MRPS5: variants seen among roughly 807,000 people sequenced by gnomAD.
The protein encoded by MRPS5 is small ribosomal subunit protein uS5m.
A neutral mutation model predicts 51.9 loss-of-function variants in MRPS5; 27 were observed. That is an observed-to-expected ratio of 0.52 (90% confidence interval 0.38 to 0.72). The LOEUF is 0.72. MRPS5 is among the 30% of genes least tolerant of loss of function. MRPS5 has a pLI of 0.00. For missense variants in MRPS5, 570 were observed against 545.7 expected (o/e 1.04, Z -0.44); for synonymous variants, 196 against 193.2 (o/e 1.01, Z -0.12).
At chr2:95,112,609 T>A (rs1267017896) in intron 3 of MRPS5, among the ~76,000 whole-genome samples, 1 of 152,218 alleles carries the variant, frequency 6.6e-6, no homozygotes. Flanking sequence ...AATCAAAGAC[T>A]ATTTCCTACT....
chr2:95,089,164 T>G (rs1675385163), intron 11 of MRPS5, among the ~76,000 whole-genome samples: 1 of 152,178 alleles, frequency 6.6e-6, no homozygotes, highest in South Asian at 2.1e-4. Context: ...ATTAAACCTC[T>G]AATGTTTCAA....
rs772667801 is a variant in MRPS5 at position 95,085,973 on chromosome 2, G to A, written c.*1384C>T. On this transcript the variant is annotated 3_prime_UTR_variant, in exon 12 of 12. Transcript: ENST00000272418. ...TCTGCCACCCAGGCTGGAGTGGCAT[G>A]AACAAGGCTCACTGCAGCCTCAACC... 6.6e-6 allele frequency among the ~76,000 whole-genome samples: 1 copy of A among 151,160 alleles called. No homozygotes were observed. Among genetic ancestry groups the A allele is most frequent in the Non-Finnish European group, 1.5e-5 (1 of 67,868 alleles).
rs774189820 is a variant in MRPS5 at position 95,108,261 on chromosome 2, T to A, written c.551A>T (p.Lys184Met). ...TCCTCGCTCCCGTTTAACCTTCATC[T>A]TCTTCTTTCGGTCCCACTCTTCTCT... ...QQREEWDRKK[K>M]MKVKRERGWS... Residue 184 changes from lysine (K) to methionine (M), a missense_variant, in exon 5 of 12, where the codon AAG becomes ATG. Lys to Met is a moderately conservative substitution (Grantham distance 95). Transcript: ENST00000272418. 7.4e-6 allele frequency: 12 copies of A among 1,614,046 alleles called. No homozygotes were observed. The highest frequency in any genetic ancestry group is 1.6e-4 in the Middle Eastern group (1 of 6,062).
chr2:95,112,420 T>G (rs1212122385), intron 3 of MRPS5, among the ~76,000 whole-genome samples: 1 of 152,168 alleles, frequency 6.6e-6, no homozygotes, highest in African/African-American at 2.4e-5. Flanking sequence ...CTGTAGTGTC[T>G]AATCTTATAC....
intron 10 of MRPS5, chr2:95,090,767 C>CA (rs948150133): frequency 1.1e-5 from 5 of 444,380 alleles, no homozygotes; most frequent in African/African-American, 2.0e-5. Flanking sequence ...ATTTTGAGGG[C>CA]AAAAAAACAG....
chr2:95,088,912 CA>C, intron 11 of MRPS5, among the ~76,000 whole-genome samples: 1 of 152,192 alleles, frequency 6.6e-6, no homozygotes, highest in Non-Finnish European at 1.5e-5. Flanking sequence ...ATTAAAAATA[CA>C]AAAATTAGCC....
chr2:95,095,404 TC>T (rs370728285), intron 10 of MRPS5, among the ~76,000 whole-genome samples: 1 of 152,272 alleles, frequency 6.6e-6, no homozygotes, highest in African/African-American at 2.4e-5. Context: ...GAACATACAT[TC>T]TTCTCAGCAC....
chr2:95,094,384 C>T (rs1675559073), intron 10 of MRPS5, among the ~76,000 whole-genome samples: 1 of 152,148 alleles, frequency 6.6e-6, no homozygotes, highest in African/African-American at 2.4e-5. Flanking sequence ...ATACAGAGAA[C>T]ACCACAAAAA....
chr2:95,118,017 C>A, intron 1 of MRPS5, 72 bp from the exon 2 acceptor site: 1 of 1,101,828 alleles, frequency 9.1e-7, no homozygotes, highest in Admixed American at 2.3e-5. Context: ...GTAACACCCA[C>A]AAAATATATC....
intron 5 of MRPS5, among the ~76,000 whole-genome samples, chr2:95,107,776 G>C (rs1331972037): frequency 6.6e-6 from 1 of 152,126 alleles, no homozygotes; most frequent in Non-Finnish European, 1.5e-5. Context: ...TGTTTTTATA[G>C]GGTTAACATG....
intron 7 of MRPS5, 98 bp downstream of exon 7, chr2:95,104,542 C>T (rs1424828891): frequency 7.6e-7 from 1 of 1,307,952 alleles, no homozygotes. Context: ...TGGAAAAAGT[C>T]CGGCCAGCAG....
At chr2:95,121,839 C>T (rs1481060738), upstream of MRPS5, 3 of 1,497,606 alleles carry the variant, frequency 2.0e-6, no homozygotes, top group South Asian at 1.3e-5. Flanking sequence ...CAGCCTTGCC[C>T]ACCGCCTACC....
At chr2:95,096,064 C>T (rs1675616541) in intron 10 of MRPS5, among the ~76,000 whole-genome samples, 1 of 152,180 alleles carries the variant, frequency 6.6e-6, no homozygotes, top group East Asian at 1.9e-4. Flanking sequence ...CACCTCTACA[C>T]AAATAAACTA....
At chr2:95,108,831 TA>T (rs1262918610) in intron 4 of MRPS5, among the ~76,000 whole-genome samples, 1 of 152,196 alleles carries the variant, frequency 6.6e-6, no homozygotes, top group Non-Finnish European at 1.5e-5. Flanking sequence ...GTGAAAAAAG[TA>T]AACTGTAAGA....
intron 5 of MRPS5, among the ~76,000 whole-genome samples, chr2:95,107,573 T>G (rs1170282942): frequency 6.6e-6 from 1 of 152,164 alleles, no homozygotes; most frequent in South Asian, 2.1e-4. Context: ...CCCCTCCAGT[T>G]TCAACCTCTT....
At chr2:95,120,112 T>C (rs1676398401) in intron 1 of MRPS5, among the ~76,000 whole-genome samples, 1 of 152,182 alleles carries the variant, frequency 6.6e-6, no homozygotes, top group Admixed American at 6.5e-5. Flanking sequence ...ATCCTAAGTA[T>C]ATACCCAACA....
At chr2:95,118,069 G>A (rs1676341475) in intron 1 of MRPS5, 124 bp from the exon 2 acceptor site, 4 of 665,198 alleles carry the variant, frequency 6.0e-6, no homozygotes, top group Non-Finnish European at 7.4e-6. Context: ...GTAATTTCTG[G>A]GCTCCAGGAC....
At chr2:95,119,678 G>A (rs574540397) in intron 1 of MRPS5, among the ~76,000 whole-genome samples, 7 of 152,140 alleles carry the variant, frequency 4.6e-5, no homozygotes, top group African/African-American at 1.4e-4. Context: ...TTAAGTGCTG[G>A]CAAGGAAGTA....
chr2:95,115,109 G>A lies in MRPS5; in HGVS notation c.234C>T (p.His78=), dbSNP rs773242628. The change falls in exon 3 of 12, where the codon CAC becomes CAT. Residue 78 remains histidine, a synonymous_variant. Transcript: ENST00000272418. Reference sequence around the variant, plus strand: ...ATGGTCTATACTGCTGGCTCATCAGGTGACTGGGAGAAGAAATACAGCATT... The same window carrying A: ...ATGGTCTATACTGCTGGCTCATCAGATGACTGGGAGAAGAAATACAGCATT... The part of the protein sequence containing the change: ...QTQCCISSPS[H]LMSQQYRPYS... The A allele has an allele frequency of 6.2e-7, 1 of 1,611,876 alleles. No individual in the cohort carries two copies. The highest frequency in any genetic ancestry group is 8.5e-7 in the Non-Finnish European group (1 of 1,179,496).
Sources: gnomAD v4.1 joint callset for allele counts (sites outside exome capture counted in the v4.1 genomes callset) on GRCh38, gnomAD v4.1.1 for gene constraint, MANE v1.5 for transcripts, NCBI Gene and HGNC (gene_info 2026-07-23, HGNC 2026-07-21) for gene names.